Variants in EXTL3 observed in about 807,000 individuals in gnomAD.
EXTL3 encodes exostosin like glycosyltransferase 3.
In EXTL3, 27 loss-of-function variants were observed where a neutral mutation model predicts 69.3. That is an observed-to-expected ratio of 0.39 (90% CI 0.29 to 0.54). The LOEUF is 0.54. Ranked by LOEUF, EXTL3 falls within the 20% of genes least tolerant of loss-of-function variation. The probability of loss-of-function intolerance (pLI) is 0.69; values close to 1 mark genes in which losing one functional copy is unlikely to be tolerated. For synonymous variants in EXTL3, 511 were observed against 499.4 expected (o/e 1.02, Z -0.31); for missense variants, 1,003 against 1,231.8 (o/e 0.81, Z 2.78).
At chr8:28,633,201 G>A (rs1806598000) in intron 1 of EXTL3, among the ~76,000 whole-genome samples, 2 of 151,964 alleles carry the variant, frequency 1.3e-5, no homozygotes, top group African/African-American at 2.4e-5. Flanking sequence ...AGGCAGGTGT[G>A]TTGGCGCACG....
chr8:28,609,829 G>A (rs919783277), intron 2 of EXTL3, among the ~76,000 whole-genome samples: 8 of 151,506 alleles, frequency 5.3e-5, no homozygotes, highest in Non-Finnish European at 1.2e-4. Flanking sequence ...GATTGAGGCT[G>A]CAGTGAGCCA....
chr8:28,615,011 C>A (rs1806314091), intron 2 of EXTL3, among the ~76,000 whole-genome samples: 1 of 150,164 alleles, frequency 6.7e-6, no homozygotes, highest in Non-Finnish European at 1.5e-5. Flanking sequence ...CCTCCCACCC[C>A]CGCCCTCCAA....
At position 28,717,509 on chromosome 8, in the gene EXTL3, G is replaced by T. The variant is rs201980808; in HGVS notation, c.1450G>T (p.Val484Leu). The T allele has an allele frequency of 1.7e-5, 28 of 1,614,128 alleles. No individual in the cohort carries two copies. The highest frequency in any genetic ancestry group is 2.1e-5 in the Non-Finnish European group (25 of 1,180,046). Residue 484 changes from valine (V) to leucine (L), a missense_variant, in exon 3 of 7, where the codon GTG (valine) becomes TTG (leucine). By Grantham distance (32) the Val-to-Leu change is conservative (BLOSUM62 1). This residue lies in a region of EXTL3 where 742 missense variants were observed against 815.4 expected (regional missense o/e 0.91). Transcript: ENST00000220562. The surrounding 1 kb of genome is among the most constrained non-coding windows in gnomAD (Gnocchi z 8.3). The part of the protein sequence containing the change: ...DMLQWNEAAL[V>L]VPKPRVTEVH... ...GCTGCAGTGGAACGAGGCGGCCCTG[G>T]TGGTGCCAAAGCCTCGTGTTACCGA... is the stretch of plus-strand genomic sequence containing the variant.
chr8:28,656,244 G>A (rs925620978), intron 1 of EXTL3, among the ~76,000 whole-genome samples: 2 of 151,330 alleles, frequency 1.3e-5, no homozygotes, highest in Admixed American at 6.6e-5. Flanking sequence ...ATCTTGGCTC[G>A]CTGCAGCCTC....
At chr8:28,694,494 C>T (rs1433605972) in intron 1 of EXTL3, among the ~76,000 whole-genome samples, 1 of 152,250 alleles carries the variant, frequency 6.6e-6, no homozygotes, top group African/African-American at 2.4e-5. Context: ...TCTTGCACCA[C>T]AGCGGAGCAC....
chr8:28,735,545 G>A (rs151149109), intron 4 of EXTL3, among the ~76,000 whole-genome samples: 8 of 152,242 alleles, frequency 5.3e-5, no homozygotes, highest in Non-Finnish European at 1.2e-4. Flanking sequence ...TAATGGAGCT[G>A]GTGAATTATC....
intron 1 of EXTL3, among the ~76,000 whole-genome samples, chr8:28,632,716 C>T (rs1806587700): frequency 6.6e-6 from 1 of 151,686 alleles, no homozygotes; most frequent in South Asian, 2.1e-4. Flanking sequence ...CCACACCCAG[C>T]TAATTTTTGT....
intron 3 of EXTL3, among the ~76,000 whole-genome samples, chr8:28,720,275 C>T (rs1434239317): frequency 2.6e-5 from 4 of 152,064 alleles, no homozygotes; most frequent in African/African-American, 4.8e-5. Context: ...TAGATGTAGA[C>T]GTAGCCAATT....
In EXTL3 at chr8:28,717,961, T is replaced by G. The variant is rs1462478345; in HGVS notation, c.1902T>G (p.Thr634=). 2 of 1,614,246 alleles carry G rather than the reference T, an allele frequency of 1.2e-6. No homozygotes were observed. The highest frequency in any genetic ancestry group is 1.7e-6 in the Non-Finnish European group (2 of 1,180,044). The change falls in exon 3 of 7, where the codon ACT becomes ACG. Residue 634 remains threonine (T), a synonymous_variant. Transcript: ENST00000220562. The surrounding 1 kb of genome is among the most constrained non-coding windows in gnomAD (Gnocchi z 8.3). ...PSEAKFLGSG[T]GFRPIGGGAG... is the part of the protein sequence containing the mutation. ...AGGCCAAATTCTTGGGCTCAGGGACTGGCTTTCGGCCTATTGGTGGTGGAG... is the reference window on the plus strand; with the variant it reads ...AGGCCAAATTCTTGGGCTCAGGGACGGGCTTTCGGCCTATTGGTGGTGGAG...
Position 28,733,955 on chromosome 8 carries a change from C to T in EXTL3, c.2276+2605C>T, listed in dbSNP as rs191511979. Among the ~76,000 whole-genome samples the T allele has an allele frequency of 1.4e-4, 22 of 151,860 alleles. No individual in the cohort carries two copies. In the East Asian group the frequency reaches 4.1e-3, roughly 28 times the overall value. ...GCCTCAGCCTCCCAAGTAGCTGGGACTACAGGCGCCTGCCACCATGCCTGG... is the reference window on the plus strand; with the variant it reads ...GCCTCAGCCTCCCAAGTAGCTGGGATTACAGGCGCCTGCCACCATGCCTGG... On this transcript the variant is annotated intron_variant, in intron 4 of 6. Coordinates refer to ENST00000220562, the MANE Select transcript of EXTL3 (RefSeq NM_001440.4).
intron 3 of EXTL3, among the ~76,000 whole-genome samples, chr8:28,726,818 A>G (rs1585282994): frequency 6.8e-6 from 1 of 147,828 alleles, no homozygotes; most frequent in East Asian, 1.9e-4. Flanking sequence ...TTTGTCAGCT[A>G]ACTGACAAAA....
At chr8:28,627,538 G>C (rs538961782) in intron 1 of EXTL3, among the ~76,000 whole-genome samples, 126 of 151,064 alleles carry the variant, frequency 8.3e-4, no homozygotes, top group Middle Eastern at 3.5e-3. Context: ...AGAAGTTCTG[G>C]AAAAAATGAA....
At chr8:28,680,259 C>T (rs749003969) in intron 1 of EXTL3, among the ~76,000 whole-genome samples, 1 of 151,724 alleles carries the variant, frequency 6.6e-6, no homozygotes, top group Non-Finnish European at 1.5e-5. Flanking sequence ...GGCATGATGG[C>T]AGGTGCCTGT....
chr8:28,710,878 G>A (rs1021788716), intron 1 of EXTL3, among the ~76,000 whole-genome samples: 1 of 152,080 alleles, frequency 6.6e-6, no homozygotes, highest in Non-Finnish European at 1.5e-5. Context: ...TCTGGCTTTA[G>A]TCAGGGCAAT....
In EXTL3 at chr8:28,657,422, T is replaced by C. The variant is rs116932493; in HGVS notation, c.-53+34612T>C. Among the ~76,000 whole-genome samples the C allele has an allele frequency of 6.3e-3, 957 of 152,358 alleles. 6 individuals are homozygous for C. Among genetic ancestry groups the C allele is most frequent in the Non-Finnish European group, 0.011 (732 of 68,040 alleles). On this transcript the variant is annotated intron_variant, in intron 1 of 6. Transcript: ENST00000523149. ...TCTGGCACCTTGGACAGCTCCACTC[T>C]GCCTGGCCCGACTAAGTGGGCCCCA...
rs770287048 is a variant in EXTL3, at chr8:28,717,775, C to G, written c.1716C>G (p.Asp572Glu). ...ACCCCAACATGGCTGACAACGGGGA[C>G]CTGGACCTGGGGCCAGTGGAGACGG... The part of the protein sequence containing the change: ...GTDPNMADNG[D>E]LDLGPVETEP... Residue 572 changes from aspartate to glutamate, a missense_variant, in exon 3 of 7, where the codon GAC (aspartate) becomes GAG (glutamate). Coordinates refer to ENST00000220562, the MANE Select transcript of EXTL3 (RefSeq NM_001440.4). This position sits in a 1 kb window ranked among gnomAD's most constrained non-coding sequence, Gnocchi z 8.3. 1 of 1,613,876 alleles carries G rather than the reference C, an allele frequency of 6.2e-7. No individual in the cohort carries two copies. The highest frequency in any genetic ancestry group is 8.5e-7 in the Non-Finnish European group (1 of 1,179,760).
At chr8:28,681,243 A>G (rs1807482310) in intron 1 of EXTL3, among the ~76,000 whole-genome samples, 2 of 151,592 alleles carry the variant, frequency 1.3e-5, no homozygotes. Flanking sequence ...AGACAGACAC[A>G]CTGGCTCACG....
At chr8:28,624,218 A>G (rs138090925) in intron 1 of EXTL3, among the ~76,000 whole-genome samples, 1 of 152,356 alleles carries the variant, frequency 6.6e-6, no homozygotes, top group Non-Finnish European at 1.5e-5. Context: ...ATGTGAAATT[A>G]TGAATTGCCT....
chr8:28,716,411 A>G lies in EXTL3; in HGVS notation c.352A>G (p.Lys118Glu). 6.2e-7 allele frequency: 1 copy of G among 1,613,904 alleles called. No individual in the cohort carries two copies. The highest frequency in any genetic ancestry group is 8.5e-7 in the Non-Finnish European group (1 of 1,179,982). Residue 118 changes from lysine (K) to glutamate (E), a missense_variant, in exon 3 of 7, where the codon AAG becomes GAG. Around this residue, in one of 2 missense-constraint regions of EXTL3, gnomAD observed 742 missense variants for 815.4 expected, o/e 0.91. Transcript: ENST00000220562. The surrounding 1 kb of genome is among the most constrained non-coding windows in gnomAD (Gnocchi z 7.1). ...GCTGAATCTGAAGATCGAAGCCTGT[A>G]AGAAGAGCATTGAGAACGCCAAGCA... ...AKLNLKIEAC[K>E]KSIENAKQDL...
Sources: allele counts gnomAD v4.1 joint callset (sites outside exome capture counted in the v4.1 genomes callset), GRCh38; gene constraint gnomAD v4.1.1; regional missense constraint gnomAD v4.1.1; non-coding constraint Gnocchi (gnomAD v3.1); transcripts MANE v1.5; gene names NCBI Gene and HGNC (gene_info 2026-07-23, HGNC 2026-07-21).